Variants in C13orf46 observed in about 807,000 individuals in gnomAD.
C13orf46 encodes the protein chromosome 13 open reading frame 46, also known as uncharacterized protein C13orf46.
chr13:113,933,194 T>C, the C13orf46 span, among the ~76,000 whole-genome samples: 1 of 152,158 alleles, frequency 6.6e-6, no homozygotes, highest in Non-Finnish European at 1.5e-5. Context: ...TGGTGTGAGG[T>C]AAGGGTTTTG....
the C13orf46 span, among the ~76,000 whole-genome samples, chr13:113,945,285 G>A: frequency 5.3e-5 from 8 of 152,068 alleles, no homozygotes; most frequent in Non-Finnish European, 4.4e-5. Context: ...GAAACCATCA[G>A]GTCTTCTCCC....
intron 5 of C13orf46, among the ~76,000 whole-genome samples, chr13:113,966,448 GTGA>G (rs2052649365): frequency 2.0e-5 from 3 of 151,204 alleles, no homozygotes; most frequent in Non-Finnish European, 2.9e-5. Context: ...GGTATTAATG[GTGA>G]TGATGACGGT....
intron 5 of C13orf46, among the ~76,000 whole-genome samples, chr13:113,966,258 A>G (rs1281793844): frequency 1.4e-5 from 2 of 142,654 alleles, no homozygotes; most frequent in East Asian, 2.2e-4. Context: ...GATGGTGATG[A>G]TGATGGTGAC....
At chr13:113,945,605 G>A in the C13orf46 span, among the ~76,000 whole-genome samples, 1,479 of 93,586 alleles carry the variant, frequency 0.016, 24 homozygotes, top group Non-Finnish European at 0.02. Flanking sequence ...AAGAAAGAAA[G>A]AAGAAAGAAA....
chr13:113,958,595 G>A (rs1350212986), intron 6 of C13orf46, among the ~76,000 whole-genome samples: 4 of 152,174 alleles, frequency 2.6e-5, no homozygotes, highest in South Asian at 2.1e-4. Flanking sequence ...CCCAGCCCCC[G>A]CCGCCTGTCC....
At chr13:113,932,228 C>T in the C13orf46 span, among the ~76,000 whole-genome samples, 2 of 152,214 alleles carry the variant, frequency 1.3e-5, no homozygotes, top group African/African-American at 4.8e-5. Context: ...GTTTACGACA[C>T]AGTCTTTCTG....
In C13orf46 at chr13:113,955,508, G is replaced by A. The variant is rs1191801771; in HGVS notation, c.*1265C>T. On this transcript the variant is annotated 3_prime_UTR_variant, in exon 7 of 7. Transcript: ENST00000636427. ...ATCTGGCGGAGACGAGGAGCATCTCGTGGAGCGGAGGAGCATCTGGCGGAG... is the reference window on the plus strand; with the variant it reads ...ATCTGGCGGAGACGAGGAGCATCTCATGGAGCGGAGGAGCATCTGGCGGAG... 10 of 160,910 alleles carry A rather than the reference G, an allele frequency of 6.2e-5. No individual in the cohort carries two copies. Among genetic ancestry groups the A allele is most frequent in the African/African-American group, 1.5e-4 (6 of 39,468 alleles). The allele number at this position is 160,910 out of a possible 1,614,324, so 10.0% of individuals were successfully genotyped here.
At chr13:113,952,640 C>T (rs889855329), downstream of C13orf46, among the ~76,000 whole-genome samples, 2 of 152,228 alleles carry the variant, frequency 1.3e-5, no homozygotes, top group African/African-American at 4.8e-5. Flanking sequence ...CCCTAGAAAG[C>T]CCAGGCGGCA....
At chr13:113,930,303 C>T in the C13orf46 span, among the ~76,000 whole-genome samples, 8 of 152,080 alleles carry the variant, frequency 5.3e-5, no homozygotes, top group Non-Finnish European at 8.8e-5. Flanking sequence ...CACAGTCCAT[C>T]GGGTGAGGCA....
intron 6 of C13orf46, among the ~76,000 whole-genome samples, chr13:113,963,344 G>A (rs1464278870): frequency 2.1e-5 from 1 of 47,762 alleles, no homozygotes; most frequent in Non-Finnish European, 5.4e-5. Flanking sequence ...CCCTCGCCCC[G>A]TCCTCAGCCT....
intron 5 of C13orf46, among the ~76,000 whole-genome samples, chr13:113,966,162 G>A (rs1282301825): frequency 1.0e-5 from 1 of 96,672 alleles, no homozygotes; most frequent in African/African-American, 5.6e-5. Context: ...GACGGTGATA[G>A]TGGTGATGGT....
chr13:113,964,275 T>G (rs1280115946), intron 6 of C13orf46, among the ~76,000 whole-genome samples: 1 of 152,268 alleles, frequency 6.6e-6, no homozygotes, highest in Non-Finnish European at 1.5e-5. Context: ...TATTTTTGTG[T>G]GTTGCTTAAA....
intron 1 of C13orf46, among the ~76,000 whole-genome samples, chr13:113,971,171 C>T (rs904344564): frequency 6.6e-6 from 1 of 152,206 alleles, no homozygotes; most frequent in Non-Finnish European, 1.5e-5. Flanking sequence ...TGGCTTCCCG[C>T]AGCTACTCCC....
the C13orf46 span, among the ~76,000 whole-genome samples, chr13:113,945,605 G>GAAAGAAAGA: frequency 3.4e-4 from 32 of 93,752 alleles, no homozygotes; most frequent in South Asian, 7.3e-4. Flanking sequence ...AAGAAAGAAA[G>GAAAGAAAGA]AAGAAAGAAA....
At chr13:113,928,704 T>C in the C13orf46 span, 1 of 152,374 alleles carries the variant, frequency 6.6e-6, no homozygotes, top group African/African-American at 2.4e-5. Context: ...GAAGGATTGA[T>C]GCGTCCTCCT....
At chr13:113,969,647 T>A (rs2138993502) in intron 2 of C13orf46, among the ~76,000 whole-genome samples, 1 of 152,344 alleles carries the variant, frequency 6.6e-6, no homozygotes, top group East Asian at 1.9e-4. Flanking sequence ...CAATGACTTT[T>A]AAGTCTTCTT....
chr13:113,953,671 AGCCACACGCG>A (rs2052498879), downstream of C13orf46: 1 of 152,250 alleles, frequency 6.6e-6, no homozygotes, highest in African/African-American at 2.4e-5. Flanking sequence ...GAATGAGGCC[AGCCACACGCG>A]GCGACAGGAC....
chr13:113,969,843 A>C (rs1306154594), intron 2 of C13orf46, among the ~76,000 whole-genome samples: 1 of 151,984 alleles, frequency 6.6e-6, no homozygotes, highest in Non-Finnish European at 1.5e-5. Context: ...TAGTGAGACG[A>C]CGCCTCCTTC....
chr13:113,931,542 C>T, the C13orf46 span, among the ~76,000 whole-genome samples: 1 of 152,162 alleles, frequency 6.6e-6, no homozygotes, highest in African/African-American at 2.4e-5. Context: ...ACGGCACCTG[C>T]GGGTGACAGG....
Sources: allele counts gnomAD v4.1 joint callset (sites outside exome capture counted in the v4.1 genomes callset), GRCh38; gene constraint gnomAD v4.1.1; transcripts MANE v1.5; gene names NCBI Gene and HGNC (gene_info 2026-07-23, HGNC 2026-07-21).